FREM2: variants seen among roughly 807,000 people sequenced by gnomAD.
FREM2 encodes FRAS1-related extracellular matrix protein 2.
Under a neutral mutation model 219.9 loss-of-function variants are expected in FREM2, and 119 were observed. The observed-to-expected ratio is 0.54, with a 90% CI of 0.47 to 0.63. The LOEUF is 0.63. Ranked by LOEUF, FREM2 falls within the 30% of genes least tolerant of loss-of-function variation. The probability of loss-of-function intolerance (pLI) is 0.00; values close to 1 mark genes in which losing one functional copy is unlikely to be tolerated. For synonymous variants in FREM2, 1,562 were observed against 1,522.8 expected (o/e 1.03, Z -0.60); for missense variants, 4,030 against 3,993.6 (o/e 1.01, Z -0.25).
At chr13:38,875,917 C>A in intron 18 of FREM2, 105 bp from the exon 19 acceptor site, 1 of 1,104,844 alleles carries the variant, frequency 9.1e-7, no homozygotes, top group Non-Finnish European at 1.4e-6. Flanking sequence ...CTTATAAAAA[C>A]AGAAGCAAAT....
intron 6 of FREM2, among the ~76,000 whole-genome samples, chr13:38,788,973 A>G (rs1173961389): frequency 6.6e-6 from 1 of 152,104 alleles, no homozygotes. Context: ...TACTAGTGTT[A>G]AGCCACCCAT....
chr13:38,814,059 G>T (rs1019787939), intron 6 of FREM2, among the ~76,000 whole-genome samples: 2 of 151,820 alleles, frequency 1.3e-5, no homozygotes, highest in Non-Finnish European at 2.9e-5. Flanking sequence ...AATTATTTTA[G>T]TCTATTTGTT....
intron 16 of FREM2, among the ~76,000 whole-genome samples, chr13:38,868,721 A>G (rs534925337): frequency 2.0e-5 from 3 of 152,356 alleles, no homozygotes; most frequent in African/African-American, 7.2e-5. Context: ...ATACAGGCAG[A>G]TCAGTGTTGA....
At chr13:38,766,378 G>GTAAC in intron 3 of FREM2, among the ~76,000 whole-genome samples, 1 of 152,226 alleles carries the variant, frequency 6.6e-6, no homozygotes, top group Non-Finnish European at 1.5e-5. Flanking sequence ...TGGTTACTTA[G>GTAAC]TAACCTGGGG....
intron 6 of FREM2, among the ~76,000 whole-genome samples, chr13:38,835,644 T>A (rs1472992740): frequency 6.6e-6 from 1 of 152,230 alleles, no homozygotes; most frequent in Non-Finnish European, 1.5e-5. Context: ...GTAGTTCTCC[T>A]TGAAGAGGTC....
intron 6 of FREM2, among the ~76,000 whole-genome samples, chr13:38,842,346 G>A (rs1330041597): frequency 1.3e-5 from 2 of 152,112 alleles, no homozygotes; most frequent in African/African-American, 4.8e-5. Flanking sequence ...GTGGTTGCTG[G>A]GAAAACTCAA....
chr13:38,792,826 T>C (rs946441260), intron 6 of FREM2, among the ~76,000 whole-genome samples: 6 of 152,172 alleles, frequency 3.9e-5, no homozygotes, highest in African/African-American at 1.2e-4. Flanking sequence ...GGAGGCACTA[T>C]AGCAAGGTTT....
chr13:38,848,314 C>T, intron 7 of FREM2, 147 bp from the exon 8 acceptor site: 1 of 678,504 alleles, frequency 1.5e-6, no homozygotes, highest in Non-Finnish European at 2.6e-6. Flanking sequence ...TAATCTTTTG[C>T]CTTTTATTAA....
chr13:38,777,759 T>C (rs1202834759), intron 4 of FREM2, among the ~76,000 whole-genome samples: 1 of 152,206 alleles, frequency 6.6e-6, no homozygotes, highest in Non-Finnish European at 1.5e-5. Context: ...AAAAGGAATG[T>C]TAACAGAAAA....
intron 23 of FREM2, among the ~76,000 whole-genome samples, chr13:38,879,967 C>A (rs561582501): frequency 1.3e-5 from 2 of 152,338 alleles, no homozygotes; most frequent in Non-Finnish European, 2.9e-5. Flanking sequence ...ACTCACTTAA[C>A]TGCTGCATAT....
intron 14 of FREM2, among the ~76,000 whole-genome samples, chr13:38,860,892 G>T (rs1327300720): frequency 1.3e-5 from 2 of 152,164 alleles, no homozygotes; most frequent in African/African-American, 4.8e-5. Context: ...CATCTATAGA[G>T]AAAACTCTAC....
chr13:38,851,921 C>A, intron 11 of FREM2, 53 bp downstream of exon 11: 1 of 1,461,934 alleles, frequency 6.8e-7, no homozygotes, highest in South Asian at 1.1e-5. Context: ...CTCTGTGTTT[C>A]AGTGCCAGTG....
chr13:38,864,544 A>G lies in FREM2; in HGVS notation c.7921A>G (p.Ser2641Gly), dbSNP rs1877887797. 1 of 1,614,246 alleles carries G rather than the reference A, an allele frequency of 6.2e-7. No individual in the cohort carries two copies. The highest frequency in any genetic ancestry group is 8.5e-7 in the Non-Finnish European group (1 of 1,180,036). Residue 2641 changes from serine to glycine, a missense_variant, in exon 16 of 24, where the codon AGC becomes GGC. Coordinates refer to ENST00000280481, the MANE Select transcript of FREM2 (RefSeq NM_207361.6). ...NLEACLWEFV[S>G]YYDMSELLAD... ...AGAGGCCTGTTTATGGGAGTTCGTT[A>G]GCTACTATGACATGTCAGAACTCCT...
At chr13:38,739,265 G>A (rs1185778970) in intron 2 of FREM2, among the ~76,000 whole-genome samples, 6 of 152,166 alleles carry the variant, frequency 3.9e-5, no homozygotes, top group African/African-American at 7.2e-5. Context: ...GATAAAGGAA[G>A]ACAAGCGCCT....
chr13:38,773,281 AGT>A (rs1277837080), intron 4 of FREM2, among the ~76,000 whole-genome samples: 1 of 152,018 alleles, frequency 6.6e-6, no homozygotes, highest in Non-Finnish European at 1.5e-5. Context: ...CATGCCTCCA[AGT>A]GTCTGTGGCT....
At chr13:38,870,862 A>C (rs537233366) in intron 16 of FREM2, among the ~76,000 whole-genome samples, 55 of 152,352 alleles carry the variant, frequency 3.6e-4, no homozygotes, top group African/African-American at 1.1e-3. Context: ...GATGGATAGA[A>C]TATAACATTG....
chr13:38,748,731 A>AT (rs904695478), intron 2 of FREM2, among the ~76,000 whole-genome samples: 69 of 152,166 alleles, frequency 4.5e-4, no homozygotes, highest in African/African-American at 1.3e-3. Context: ...ACATAGAGTG[A>AT]TTTTTTTTAA....
At chr13:38,738,408 A>T (rs1447414129) in intron 2 of FREM2, among the ~76,000 whole-genome samples, 1 of 151,772 alleles carries the variant, frequency 6.6e-6, no homozygotes, top group Non-Finnish European at 1.5e-5. Flanking sequence ...TCTACTGAAA[A>T]ATACAAAATT....
intron 6 of FREM2, among the ~76,000 whole-genome samples, chr13:38,785,782 G>T (rs1333311898): frequency 6.6e-6 from 1 of 152,096 alleles, no homozygotes. Flanking sequence ...AGGTTTATTG[G>T]ATCTTTGTAT....
Sources: gnomAD v4.1 joint callset for allele counts (sites outside exome capture counted in the v4.1 genomes callset) on GRCh38, gnomAD v4.1.1 for gene constraint, MANE v1.5 for transcripts, NCBI Gene and HGNC (gene_info 2026-07-23, HGNC 2026-07-21) for gene names.